The following NFIC variants were observed in gnomAD, a reference collection of about 807,000 sequenced individuals.
The protein encoded by NFIC is nuclear factor 1 C-type.
Under a neutral mutation model 54.4 loss-of-function variants are expected in NFIC, and 12 were observed. The ratio of observed to expected loss-of-function variants is 0.22; its 90% CI spans 0.14 to 0.36. The LOEUF (loss-of-function observed/expected upper bound fraction) is 0.36, where lower values mean the gene tolerates loss of function less well. Among genes scored for constraint, NFIC ranks in the 10% least tolerant of loss-of-function variants. NFIC has a pLI of 1.00. For synonymous variants in NFIC, 322 were observed against 319.2 expected, an observed-to-expected ratio of 1.01 and a Z score of -0.09; for missense variants, 575 against 718.2, an observed-to-expected ratio of 0.80 and a Z score of 2.28.
intron 2 of NFIC, among the ~76,000 whole-genome samples, chr19:3,388,987 A>G (rs980069540): frequency 1.3e-5 from 2 of 152,232 alleles, no homozygotes; most frequent in Non-Finnish European, 2.9e-5. Flanking sequence ...CCTGGGCGAC[A>G]GAGTGAGACC....
chr19:3,395,307 A>G (rs982578341), intron 2 of NFIC, among the ~76,000 whole-genome samples: 1 of 151,932 alleles, frequency 6.6e-6, no homozygotes, highest in Non-Finnish European at 1.5e-5. Context: ...TGCAGTCAGC[A>G]GAGATCGCAC....
intron 2 of NFIC, among the ~76,000 whole-genome samples, chr19:3,421,241 TGCCAGCTGGGCACTGCGGCCTGCTGAGAC>T (rs566801329): frequency 0.016 from 2,479 of 152,328 alleles, 84 homozygotes; most frequent in African/African-American, 0.057. Flanking sequence ...AACACCCGGA[TGCCAGCTGGGCACTGCGGCCTGCTGAGAC>T]GCCAGCTGGG....
chr19:3,428,900 C>T (rs537106868), intron 3 of NFIC, among the ~76,000 whole-genome samples: 228 of 152,050 alleles, frequency 1.5e-3, no homozygotes, highest in African/African-American at 4.4e-3. Context: ...CCTGGACACT[C>T]GGGGGCCACC....
At chr19:3,451,421 C>G (rs766654930) in intron 7 of NFIC, among the ~76,000 whole-genome samples, 22 of 151,418 alleles carry the variant, frequency 1.5e-4, no homozygotes, top group Admixed American at 2.6e-4. Context: ...TTGCTTGAGT[C>G]CAGGAGTTTG....
At chr19:3,374,985 C>T (rs2081080336) in intron 1 of NFIC, among the ~76,000 whole-genome samples, 1 of 151,984 alleles carries the variant, frequency 6.6e-6, no homozygotes, top group Non-Finnish European at 1.5e-5. Context: ...CTCCCTGGCA[C>T]CTGTCCCCGG....
At chr19:3,441,685 C>T (rs778673619) in intron 6 of NFIC, among the ~76,000 whole-genome samples, 5 of 151,152 alleles carry the variant, frequency 3.3e-5, no homozygotes, top group African/African-American at 4.9e-5. Flanking sequence ...CCAGAGGGGC[C>T]GGGGGCACAG....
At chr19:3,431,885 G>A (rs139084952) in intron 3 of NFIC, among the ~76,000 whole-genome samples, 352 of 152,284 alleles carry the variant, frequency 2.3e-3, no homozygotes, top group African/African-American at 8.2e-3. Flanking sequence ...GGGACATTTG[G>A]GTGGCTTTCC....
chr19:3,468,049 C>T lies in NFIC; in HGVS notation c.*5280C>T, dbSNP rs1233433230. ...ACAGAGTGTGGGGTCAGTCCACCAC[C>T]CTTGACCTCCCGGCAGGGCAAGGTG... On this transcript the variant is annotated 3_prime_UTR_variant, in exon 11 of 11. Transcript: ENST00000443272. The T allele has an allele frequency of 6.6e-6, 1 of 151,842 alleles. No homozygotes were observed. The highest frequency in any genetic ancestry group is 2.4e-5 in the African/African-American group (1 of 41,280). 9.4% of individuals were successfully genotyped at this position (151,842 alleles called of 1,614,324 possible).
At chr19:3,388,804 G>T (rs1488224804) in intron 2 of NFIC, among the ~76,000 whole-genome samples, 1 of 151,444 alleles carries the variant, frequency 6.6e-6, no homozygotes, top group Non-Finnish European at 1.5e-5. Context: ...CTCCAGCCTG[G>T]GTGACAAGGC....
chr19:3,392,244 G>A (rs912854920), intron 2 of NFIC, among the ~76,000 whole-genome samples: 2 of 151,942 alleles, frequency 1.3e-5, no homozygotes, highest in Non-Finnish European at 2.9e-5. Context: ...GCTAATTGTG[G>A]TATTTTTAGT....
chr19:3,400,993 G>T (rs751605772), intron 2 of NFIC, among the ~76,000 whole-genome samples: 3 of 152,258 alleles, frequency 2.0e-5, no homozygotes, highest in Non-Finnish European at 2.9e-5. Context: ...CATTTGAGCT[G>T]AGACCTGAGA....
In NFIC at chr19:3,464,213, G is replaced by C; in HGVS notation, c.*1444G>C. Reference sequence around the variant, plus strand: ...GCCCAGCTGCGGGACGTGCATCACGGCTGGGCCCCCAGAGGAGAGAGGAGG... The same window carrying C: ...GCCCAGCTGCGGGACGTGCATCACGCCTGGGCCCCCAGAGGAGAGAGGAGG... On this transcript the variant is annotated 3_prime_UTR_variant, in exon 11 of 11. Coordinates refer to ENST00000443272, the MANE Select transcript of NFIC (RefSeq NM_001245002.2). The C allele has an allele frequency of 1.0e-6, 1 of 984,842 alleles. No individual in the cohort carries two copies. Among genetic ancestry groups the C allele is most frequent in the Non-Finnish European group, 1.2e-6 (1 of 829,926 alleles). 61.0% of individuals were successfully genotyped at this position (984,842 alleles called of 1,614,324 possible).
At chr19:3,407,962 G>C (rs1235166902) in intron 2 of NFIC, among the ~76,000 whole-genome samples, 9 of 152,182 alleles carry the variant, frequency 5.9e-5, no homozygotes, top group Non-Finnish European at 1.5e-5. Context: ...TTCCAGGACA[G>C]AGAAAGTTGA....
chr19:3,435,462 C>T (rs900261457), intron 6 of NFIC, among the ~76,000 whole-genome samples: 1 of 152,188 alleles, frequency 6.6e-6, no homozygotes, highest in Non-Finnish European at 1.5e-5. Context: ...TCCTGCCCTC[C>T]GGCCGTGAAT....
chr19:3,407,469 T>A (rs1264212005), intron 2 of NFIC, among the ~76,000 whole-genome samples: 1 of 150,420 alleles, frequency 6.6e-6, no homozygotes, highest in African/African-American at 2.5e-5. Context: ...GGAGTCTCGC[T>A]CTGTCACCCA....
At chr19:3,404,597 C>A (rs879516510) in intron 2 of NFIC, among the ~76,000 whole-genome samples, 6 of 152,200 alleles carry the variant, frequency 3.9e-5, no homozygotes, top group Admixed American at 3.3e-4. Context: ...GTCCCCCCAC[C>A]CCCACCCCAC....
At chr19:3,436,672 A>G (rs2145637316) in intron 6 of NFIC, among the ~76,000 whole-genome samples, 1 of 149,076 alleles carries the variant, frequency 6.7e-6, no homozygotes, top group South Asian at 2.1e-4. Context: ...ACAGTGTTTC[A>G]CCATGTTGGC....
chr19:3,415,868 C>T (rs1441468229), intron 2 of NFIC, among the ~76,000 whole-genome samples: 1 of 151,980 alleles, frequency 6.6e-6, no homozygotes, highest in Non-Finnish European at 1.5e-5. Flanking sequence ...CTATTATTGC[C>T]TTCCCTGGCC....
intron 2 of NFIC, among the ~76,000 whole-genome samples, chr19:3,392,746 G>A (rs1250837167): frequency 6.6e-6 from 1 of 152,164 alleles, no homozygotes; most frequent in Admixed American, 6.5e-5. Context: ...TGCCAGGCCA[G>A]CCCCCTCCCT....
Sources: allele counts gnomAD v4.1 joint callset (sites outside exome capture counted in the v4.1 genomes callset), GRCh38; gene constraint gnomAD v4.1.1; transcripts MANE v1.5; gene names NCBI Gene and HGNC (gene_info 2026-07-23, HGNC 2026-07-21).